Variants in AKAP6 observed in about 807,000 individuals in gnomAD.
AKAP6 encodes A-kinase anchoring protein 6.
In AKAP6, 58 loss-of-function variants were observed where a neutral mutation model predicts 188.5. The observed-to-expected ratio is 0.31, with a 90% confidence interval of 0.25 to 0.38. AKAP6 has a LOEUF of 0.38. AKAP6 is among the 10% of genes least tolerant of loss of function. AKAP6 has a pLI of 1.00. For missense variants in AKAP6, 2,710 were observed against 2,740.0 expected, an observed-to-expected ratio of 0.99 and a Z score of 0.24; for synonymous variants, 989 against 998.6, an observed-to-expected ratio of 0.99 and a Z score of 0.18.
At chr14:32,389,911 G>C (rs1315709088) in intron 1 of AKAP6, among the ~76,000 whole-genome samples, 1 of 152,052 alleles carries the variant, frequency 6.6e-6, no homozygotes, top group Non-Finnish European at 1.5e-5. Flanking sequence ...GGCCAGGGAA[G>C]TTTTCCTTGA....
At chr14:32,720,055 C>T (rs551045852) in intron 9 of AKAP6, among the ~76,000 whole-genome samples, 3 of 152,240 alleles carry the variant, frequency 2.0e-5, no homozygotes, top group African/African-American at 7.2e-5. Context: ...ACTGAACAGG[C>T]CTATAATTCA....
chr14:32,710,552 C>T (rs1405028600), intron 9 of AKAP6, among the ~76,000 whole-genome samples: 1 of 151,962 alleles, frequency 6.6e-6, no homozygotes, highest in Non-Finnish European at 1.5e-5. Flanking sequence ...AAACCGAAAG[C>T]AGCCTCTGCA....
chr14:32,774,716 T>C (rs1277284050), intron 12 of AKAP6, among the ~76,000 whole-genome samples: 1 of 151,898 alleles, frequency 6.6e-6, no homozygotes, highest in African/African-American at 2.4e-5. Flanking sequence ...AAGGCCCAAC[T>C]CCCATGTTTG....
chr14:32,776,866 A>G (rs1221930730), intron 12 of AKAP6, among the ~76,000 whole-genome samples: 1 of 152,170 alleles, frequency 6.6e-6, no homozygotes, highest in Non-Finnish European at 1.5e-5. Context: ...AGTGGCTAAC[A>G]TTGCTACAGG....
At chr14:32,338,868 G>A (rs1337173730) in intron 1 of AKAP6, among the ~76,000 whole-genome samples, 2 of 152,096 alleles carry the variant, frequency 1.3e-5, no homozygotes, top group Admixed American at 6.6e-5. Flanking sequence ...TAGAAGTAGT[G>A]GGGTAAGATT....
chr14:32,780,702 T>C (rs537849486), intron 12 of AKAP6, among the ~76,000 whole-genome samples: 32 of 152,262 alleles, frequency 2.1e-4, no homozygotes, highest in Admixed American at 2.1e-3. Context: ...TTTGGGAGGC[T>C]GAAGCAAGAG....
Position 32,837,529 on chromosome 14 carries a change from A to G in AKAP6, c.*7724A>G, listed in dbSNP as rs2034886945. ...AGAATTAGTTTGGTTCCGTTAGTTG[A>G]TCAAGTTACTTACACTAAGTCAGCA... On this transcript the variant is annotated 3_prime_UTR_variant, in exon 14 of 14. Coordinates refer to ENST00000280979, the MANE Select transcript of AKAP6 (RefSeq NM_004274.5). 1 of 152,228 alleles carries G rather than the reference A, an allele frequency of 6.6e-6. No homozygotes were observed. Among genetic ancestry groups the G allele is most frequent in the Non-Finnish European group, 1.5e-5 (1 of 68,048 alleles). The allele number at this position is 152,228 out of a possible 1,614,324, so 9.4% of individuals were successfully genotyped here. A position where few individuals can be genotyped will look rare whatever the true frequency, so the allele number is the denominator to read the frequency against.
intron 11 of AKAP6, among the ~76,000 whole-genome samples, chr14:32,769,211 C>A (rs1211602741): frequency 1.3e-5 from 2 of 151,400 alleles, no homozygotes; most frequent in African/African-American, 4.9e-5. Flanking sequence ...CCACACCCAG[C>A]TAATTTTTAT....
At chr14:32,742,450 C>G (rs564957760) in intron 11 of AKAP6, among the ~76,000 whole-genome samples, 1 of 151,350 alleles carries the variant, frequency 6.6e-6, no homozygotes, top group Admixed American at 6.6e-5. Flanking sequence ...CTTTAAGATG[C>G]TTTGTTATAT....
At chr14:32,487,125 A>T (rs1447370644) in intron 2 of AKAP6, among the ~76,000 whole-genome samples, 2 of 152,144 alleles carry the variant, frequency 1.3e-5, no homozygotes, top group Non-Finnish European at 2.9e-5. Context: ...ACATTTATTG[A>T]TTTGTGTATG....
intron 4 of AKAP6, among the ~76,000 whole-genome samples, chr14:32,550,285 G>A (rs1883397119): frequency 6.6e-6 from 1 of 152,218 alleles, no homozygotes; most frequent in African/African-American, 2.4e-5. Flanking sequence ...TAGAGGTGGT[G>A]CAGGTAATTT....
intron 1 of AKAP6, among the ~76,000 whole-genome samples, chr14:32,333,589 A>T (rs1298763524): frequency 2.0e-5 from 3 of 152,126 alleles, no homozygotes; most frequent in Non-Finnish European, 4.4e-5. Context: ...TTGTATAGGT[A>T]CATATAGCTA....
intron 1 of AKAP6, among the ~76,000 whole-genome samples, chr14:32,363,280 G>C (rs117678550): frequency 2.0e-5 from 3 of 152,194 alleles, no homozygotes; most frequent in Admixed American, 6.5e-5. Flanking sequence ...AGGGAGTAGA[G>C]GAAGGTTTCA....
rs138003185 is a variant in AKAP6 at position 32,352,200 on chromosome 14, T to C, written c.-35+22792T>C. Reference sequence around the variant, plus strand: ...AGTTCTCTCTCATTCCTAGCCCAGATTGTAACAGTCTTTCATTGGTTAGCT... The same window carrying C: ...AGTTCTCTCTCATTCCTAGCCCAGACTGTAACAGTCTTTCATTGGTTAGCT... On this transcript the variant is annotated intron_variant, in intron 1 of 13. Transcript: ENST00000280979. 6.2e-4 allele frequency among the ~76,000 whole-genome samples: 94 copies of C among 151,792 alleles called. 1 individual carries two copies. The highest frequency in any genetic ancestry group is 2.1e-3 in the African/African-American group (87 of 41,400).
intron 11 of AKAP6, among the ~76,000 whole-genome samples, chr14:32,765,004 G>A (rs920794576): frequency 4.1e-5 from 6 of 147,342 alleles, no homozygotes; most frequent in Non-Finnish European, 4.5e-5. Flanking sequence ...GTGCGATCTC[G>A]GCTCACTGCA....
chr14:32,752,324 A>AGAGCAGG (rs1246685898), intron 11 of AKAP6, among the ~76,000 whole-genome samples: 1 of 152,198 alleles, frequency 6.6e-6, no homozygotes, highest in Non-Finnish European at 1.5e-5. Context: ...TCAGTGTTCC[A>AGAGCAGG]GAGCAGGAGG....
intron 12 of AKAP6, among the ~76,000 whole-genome samples, chr14:32,817,088 T>C (rs1020936945): frequency 8.5e-5 from 13 of 152,262 alleles, no homozygotes; most frequent in African/African-American, 2.6e-4. Flanking sequence ...TATTAGGTTA[T>C]TGTTTTGTAG....
intron 8 of AKAP6, among the ~76,000 whole-genome samples, chr14:32,682,849 C>T (rs1442109125): frequency 6.6e-6 from 1 of 152,140 alleles, no homozygotes; most frequent in East Asian, 1.9e-4. Flanking sequence ...TCTGGACCAC[C>T]AGCAGCAGTA....
At chr14:32,478,432 G>T (rs1879180395) in intron 2 of AKAP6, among the ~76,000 whole-genome samples, 1 of 152,206 alleles carries the variant, frequency 6.6e-6, no homozygotes, top group African/African-American at 2.4e-5. Flanking sequence ...GTCAAGATGT[G>T]AAGCAGCAGC....
Sources: allele counts gnomAD v4.1 joint callset (sites outside exome capture counted in the v4.1 genomes callset), GRCh38; gene constraint gnomAD v4.1.1; transcripts MANE v1.5; gene names NCBI Gene and HGNC (gene_info 2026-07-23, HGNC 2026-07-21).